The following PARD3 variants were observed in gnomAD, a reference collection of about 807,000 sequenced individuals.
PARD3 encodes par-3 family cell polarity regulator.
Under a neutral mutation model 155.4 loss-of-function variants are expected in PARD3, and 75 were observed. The ratio of observed to expected loss-of-function variants is 0.48; its 90% CI spans 0.40 to 0.58. The LOEUF (loss-of-function observed/expected upper bound fraction) is 0.58, where lower values mean the gene tolerates loss of function less well. Ranked by LOEUF, PARD3 falls within the 20% of genes least tolerant of loss-of-function variation. PARD3 has a pLI of 0.00. For synonymous variants in PARD3, 576 were observed against 610.5 expected (o/e 0.94, Z 0.83); for missense variants, 1,642 against 1,721.7 (o/e 0.95, Z 0.82).
chr10:34,364,434 C>CCT (rs763018138), intron 12 of PARD3, among the ~76,000 whole-genome samples: 4 of 127,750 alleles, frequency 3.1e-5, no homozygotes, highest in Non-Finnish European at 5.5e-5. Flanking sequence ...ACAGAATTAT[C>CCT]TTTTTTTTTT....
chr10:34,772,818 T>C (rs1588685647), intron 1 of PARD3, among the ~76,000 whole-genome samples: 1 of 142,470 alleles, frequency 7.0e-6, no homozygotes, highest in Admixed American at 7.0e-5. Flanking sequence ...AAAAAAAAAC[T>C]ATTTCTACAT....
chr10:34,495,723 G>A lies in PARD3; in HGVS notation c.403+21256C>T, dbSNP rs118013518. Among the ~76,000 whole-genome samples the A allele has an allele frequency of 3.2e-3, 492 of 152,028 alleles. 3 individuals carry two copies. Among genetic ancestry groups the A allele is most frequent in the Non-Finnish European group, 4.4e-3 (299 of 67,968 alleles). The stretch of plus-strand genomic sequence containing the variant: ...AGCTCTCAGGAGTCAGCTTAGAGGG[G>A]TCTGGTTATTCAAATGTGGGGCAAC... On this transcript the variant is annotated intron_variant, in intron 3 of 24. Transcript: ENST00000374788.
At chr10:34,736,120 C>T (rs571698360) in intron 1 of PARD3, among the ~76,000 whole-genome samples, 27 of 152,162 alleles carry the variant, frequency 1.8e-4, no homozygotes, top group African/African-American at 6.5e-4. Context: ...CAAGCTCCAC[C>T]TCCCGGGTTC....
chr10:34,741,162 TTCGTAAA>T (rs2095004691), intron 1 of PARD3, among the ~76,000 whole-genome samples: 2 of 140,630 alleles, frequency 1.4e-5, no homozygotes, highest in Non-Finnish European at 3.1e-5. Flanking sequence ...CTGCTGTGTT[TTCGTAAA>T]CCAAATTTTT....
chr10:34,475,637 A>G (rs1459742118), intron 3 of PARD3, among the ~76,000 whole-genome samples: 2 of 152,240 alleles, frequency 1.3e-5, no homozygotes, highest in Non-Finnish European at 2.9e-5. Context: ...TTACTGAGTT[A>G]TGCCAATCTT....
intron 4 of PARD3, among the ~76,000 whole-genome samples, chr10:34,461,061 T>C (rs992254802): frequency 6.6e-6 from 1 of 152,136 alleles, no homozygotes; most frequent in Non-Finnish European, 1.5e-5. Context: ...TACTACCAAA[T>C]TTCGAGAAAC....
At chr10:34,335,188 C>T (rs1235576082) in intron 18 of PARD3, among the ~76,000 whole-genome samples, 1 of 151,876 alleles carries the variant, frequency 6.6e-6, no homozygotes, top group African/African-American at 2.4e-5. Context: ...CGGTTAACTG[C>T]CGTGCAATAC....
chr10:34,524,958 G>A (rs2082378360), intron 2 of PARD3, among the ~76,000 whole-genome samples: 1 of 152,144 alleles, frequency 6.6e-6, no homozygotes, highest in East Asian at 1.9e-4. Context: ...ACAACAAAAA[G>A]GGAACTAAAA....
At chr10:34,557,453 A>C (rs2085092950) in intron 2 of PARD3, among the ~76,000 whole-genome samples, 1 of 152,088 alleles carries the variant, frequency 6.6e-6, no homozygotes, top group South Asian at 2.1e-4. Flanking sequence ...CCTGGGCAAC[A>C]CAGAGAGAGT....
At chr10:34,297,249 G>A (rs2133999443) in intron 20 of PARD3, among the ~76,000 whole-genome samples, 1 of 152,204 alleles carries the variant, frequency 6.6e-6, no homozygotes, top group African/African-American at 2.4e-5. Context: ...GCTGTGATGA[G>A]TTATGATCAC....
intron 2 of PARD3, among the ~76,000 whole-genome samples, chr10:34,541,643 C>T (rs2083618928): frequency 6.6e-6 from 1 of 152,178 alleles, no homozygotes; most frequent in Admixed American, 6.5e-5. Context: ...CTGGGAAGTG[C>T]TGGTGCCTAA....
At position 34,814,864 on chromosome 10, in the gene PARD3, C is replaced by G; in HGVS notation, c.120+12G>C. 1.3e-6 allele frequency: 2 copies of G among 1,507,622 alleles called. No individual in the cohort carries two copies. Among genetic ancestry groups the G allele is most frequent in the Non-Finnish European group, 1.8e-6 (2 of 1,124,770 alleles). The allele number at this position is 1,507,622 out of a possible 1,614,324, so 93.4% of individuals were successfully genotyped here. Reference sequence around the variant, plus strand: ...CGCCGCCCCCTCCCCGCCCGCGCCCCCGGCCCCTCACCTTGGCGATGGCCT... The same window carrying G: ...CGCCGCCCCCTCCCCGCCCGCGCCCGCGGCCCCTCACCTTGGCGATGGCCT... On this transcript the variant is annotated intron_variant, in intron 1 of 24. Coordinates refer to ENST00000374788, the MANE Select transcript of PARD3 (RefSeq NM_001184785.2).
At chr10:34,259,069 A>G (rs1588965359) in intron 22 of PARD3, among the ~76,000 whole-genome samples, 1 of 148,432 alleles carries the variant, frequency 6.7e-6, no homozygotes, top group Admixed American at 6.6e-5. Flanking sequence ...TTCTGTCTCT[A>G]AAAAAAAAGG....
At chr10:34,517,857 G>A (rs565097838) in intron 2 of PARD3, among the ~76,000 whole-genome samples, 2 of 152,106 alleles carry the variant, frequency 1.3e-5, no homozygotes, top group Non-Finnish European at 2.9e-5. Flanking sequence ...ACATCAGTAT[G>A]AGCTCAGTTT....
chr10:34,209,520 G>T (rs1191396377), intron 22 of PARD3, among the ~76,000 whole-genome samples: 2 of 152,038 alleles, frequency 1.3e-5, no homozygotes, highest in Admixed American at 1.3e-4. Context: ...TGTGTTGTGG[G>T]GGGCAGTCAA....
intron 12 of PARD3, among the ~76,000 whole-genome samples, chr10:34,361,425 C>G (rs1397146562): frequency 1.3e-5 from 2 of 152,166 alleles, no homozygotes; most frequent in Non-Finnish European, 2.9e-5. Context: ...ATACTTTAAA[C>G]AGATTGTGCT....
Position 34,269,900 on chromosome 10 carries a change from C to A in PARD3, c.3177-1G>T. On this transcript the variant is annotated splice_acceptor_variant, in intron 21 of 24. Transcript: ENST00000374788. LOFTEE classifies it high-confidence loss of function. The stretch of plus-strand genomic sequence containing the variant: ...AAATTCTCGAGTTTTGGCTTGAATC[C>A]TATGAAATCAGAACAAAGTTGAAAT... 6 of 1,613,056 alleles carry A rather than the reference C, an allele frequency of 3.7e-6. No homozygotes were observed. Among genetic ancestry groups the A allele is most frequent in the Non-Finnish European group, 5.1e-6 (6 of 1,179,488 alleles).
chr10:34,611,791 T>C (rs1052767921), intron 2 of PARD3, among the ~76,000 whole-genome samples: 1 of 150,730 alleles, frequency 6.6e-6, no homozygotes, highest in Non-Finnish European at 1.5e-5. Flanking sequence ...GGGAAATAAA[T>C]GTGATACATT....
At chr10:34,160,874 T>A (rs972631509) in intron 22 of PARD3, among the ~76,000 whole-genome samples, 4 of 152,162 alleles carry the variant, frequency 2.6e-5, no homozygotes, top group South Asian at 2.1e-4. Flanking sequence ...TACCTAGGTC[T>A]GAGGGAGCAT....
Sources: gnomAD v4.1 joint callset for allele counts (sites outside exome capture counted in the v4.1 genomes callset) on GRCh38, gnomAD v4.1.1 for gene constraint, MANE v1.5 for transcripts, NCBI Gene and HGNC (gene_info 2026-07-23, HGNC 2026-07-21) for gene names.